The following GRIK2 variants were observed in gnomAD, a reference collection of about 807,000 sequenced individuals.
GRIK2 encodes glutamate receptor ionotropic, kainate 2.
Under a neutral mutation model 100.3 loss-of-function variants are expected in GRIK2, and 32 were observed. The observed-to-expected ratio is 0.32, with a 90% CI of 0.24 to 0.43. The LOEUF (loss-of-function observed/expected upper bound fraction) is 0.43. Ranked by LOEUF, GRIK2 falls within the 20% of genes least tolerant of loss-of-function variation. GRIK2 has a pLI of 1.00. For synonymous variants in GRIK2, 417 were observed against 389.4 expected (o/e 1.07, Z -0.83); for missense variants, 843 against 1,114.9 (o/e 0.76, Z 3.47).
intron 7 of GRIK2, among the ~76,000 whole-genome samples, chr6:101,689,600 C>T (rs900411448): frequency 6.6e-6 from 1 of 152,052 alleles, no homozygotes; most frequent in Non-Finnish European, 1.5e-5. Context: ...ATGTTAGTAA[C>T]TCAGTAAAAT....
chr6:101,971,488 GGGC>G (rs1163370813), intron 14 of GRIK2, among the ~76,000 whole-genome samples: 1 of 151,882 alleles, frequency 6.6e-6, no homozygotes, highest in African/African-American at 2.4e-5. Flanking sequence ...TCTGTTATGT[GGGC>G]ATGTCAAGGT....
chr6:101,678,125 G>A (rs1396175086), intron 5 of GRIK2, among the ~76,000 whole-genome samples: 1 of 152,044 alleles, frequency 6.6e-6, no homozygotes, highest in East Asian at 1.9e-4. Context: ...GTGGCACTAA[G>A]CTATTTCAGT....
chr6:101,731,759 C>CA (rs958218046), intron 7 of GRIK2, among the ~76,000 whole-genome samples: 21 of 151,846 alleles, frequency 1.4e-4, no homozygotes, highest in Middle Eastern at 3.4e-3. Flanking sequence ...ATATTTTCCA[C>CA]AAAAAAGAGT....
At position 101,728,192 on chromosome 6, in the gene GRIK2, T is replaced by G. The variant is rs1775007914; in HGVS notation, c.951+41839T>G. The stretch of plus-strand genomic sequence containing the variant: ...TTGAGGTAATAGCAAGTATTTAATT[T>G]GGAAGCAAAATGAAGACATTTGAAA... On this transcript the variant is annotated intron_variant, in intron 7 of 16. Coordinates refer to ENST00000369134, the MANE Select transcript of GRIK2 (RefSeq NM_021956.5). Among the ~76,000 whole-genome samples, 3 of 152,236 alleles carry G rather than the reference T, an allele frequency of 2.0e-5. No homozygotes were observed. In the South Asian group the frequency reaches 6.2e-4, roughly 32 times the overall value.
chr6:101,417,774 G>T (rs1164694843), intron 2 of GRIK2, among the ~76,000 whole-genome samples: 1 of 152,182 alleles, frequency 6.6e-6, no homozygotes, highest in Non-Finnish European at 1.5e-5. Flanking sequence ...CACGGAAAAT[G>T]TGGTCAGAAA....
intron 11 of GRIK2, among the ~76,000 whole-genome samples, chr6:101,870,002 A>G (rs113285469): frequency 1.3e-5 from 2 of 152,060 alleles, no homozygotes; most frequent in African/African-American, 4.8e-5. Context: ...TAGGTACAGG[A>G]CTTATTCAAC....
At chr6:101,734,447 A>T (rs183848763) in intron 7 of GRIK2, among the ~76,000 whole-genome samples, 1 of 152,338 alleles carries the variant, frequency 6.6e-6, no homozygotes, top group Admixed American at 6.5e-5. Flanking sequence ...CCAGGCCTTC[A>T]AATGATTGGA....
intron 14 of GRIK2, among the ~76,000 whole-genome samples, chr6:101,957,534 C>T (rs533157801): frequency 6.6e-6 from 1 of 151,098 alleles, no homozygotes; most frequent in African/African-American, 2.4e-5. Flanking sequence ...TAGTTTAAGT[C>T]CCTTTTGTCT....
chr6:101,429,290 A>G (rs1769239764), intron 2 of GRIK2, among the ~76,000 whole-genome samples: 1 of 152,220 alleles, frequency 6.6e-6, no homozygotes, highest in Admixed American at 6.5e-5. Context: ...GATGAATGAG[A>G]GAATTTACAT....
chr6:101,975,501 C>T (rs1188978019), intron 14 of GRIK2, among the ~76,000 whole-genome samples: 3 of 152,034 alleles, frequency 2.0e-5, no homozygotes, highest in South Asian at 2.1e-4. Flanking sequence ...AAGAATGTTA[C>T]GTCCTGCTGA....
chr6:101,650,439 A>C (rs1056711330), intron 4 of GRIK2, among the ~76,000 whole-genome samples: 2 of 152,132 alleles, frequency 1.3e-5, no homozygotes, highest in Admixed American at 1.3e-4. Flanking sequence ...TTCCCCTGTC[A>C]AAGAATACTC....
chr6:101,627,138 T>A (rs192682880), intron 4 of GRIK2, among the ~76,000 whole-genome samples: 1 of 149,556 alleles, frequency 6.7e-6, no homozygotes, highest in African/African-American at 2.5e-5. Flanking sequence ...TGTGTGTGTG[T>A]GTGTGTGTGT....
chr6:101,622,615 A>G (rs1780219901), intron 3 of GRIK2, among the ~76,000 whole-genome samples: 1 of 152,064 alleles, frequency 6.6e-6, no homozygotes, highest in Non-Finnish European at 1.5e-5. Context: ...TGTATATTCC[A>G]TGCTCATATT....
At chr6:101,867,360 A>AT (rs1023333602) in intron 11 of GRIK2, among the ~76,000 whole-genome samples, 4 of 122,362 alleles carry the variant, frequency 3.3e-5, no homozygotes, top group Non-Finnish European at 5.0e-5. Flanking sequence ...AGTATATAAC[A>AT]TTTTTTAAAA....
chr6:101,412,079 A>G (rs1263069023), intron 2 of GRIK2, among the ~76,000 whole-genome samples: 3 of 152,054 alleles, frequency 2.0e-5, no homozygotes, highest in Non-Finnish European at 4.4e-5. Flanking sequence ...TATTTATTAG[A>G]AAACATGGAA....
intron 2 of GRIK2, among the ~76,000 whole-genome samples, chr6:101,488,896 T>G (rs1396908936): frequency 6.8e-6 from 1 of 146,408 alleles, no homozygotes; most frequent in Non-Finnish European, 1.5e-5. Context: ...GTTTTCTTTA[T>G]AATTCTGAGG....
At chr6:101,806,202 C>A (rs1780994672) in intron 9 of GRIK2, among the ~76,000 whole-genome samples, 1 of 151,996 alleles carries the variant, frequency 6.6e-6, no homozygotes, top group African/African-American at 2.4e-5. Context: ...TCAGGCAATA[C>A]TTTTGCTTAT....
chr6:101,603,023 G>A (rs974116225), intron 2 of GRIK2, among the ~76,000 whole-genome samples: 2 of 151,588 alleles, frequency 1.3e-5, no homozygotes, highest in African/African-American at 2.4e-5. Context: ...GACTACATTC[G>A]ATTGTTGCCT....
intron 2 of GRIK2, among the ~76,000 whole-genome samples, chr6:101,611,108 A>G (rs1047237535): frequency 6.6e-6 from 1 of 151,830 alleles, no homozygotes; most frequent in African/African-American, 2.4e-5. Context: ...AGAAAAATCA[A>G]CACTTATTTT....
Sources: allele counts gnomAD v4.1 joint callset (sites outside exome capture counted in the v4.1 genomes callset), GRCh38; gene constraint gnomAD v4.1.1; transcripts MANE v1.5; gene names NCBI Gene and HGNC (gene_info 2026-07-23, HGNC 2026-07-21).